MMD2: variants seen among roughly 807,000 people sequenced by gnomAD.
The protein encoded by MMD2 is monocyte to macrophage differentiation factor 2.
MMD2 carries 30 observed loss-of-function variants against 33.5 expected under a neutral mutation model. That is an observed-to-expected ratio of 0.90 (90% CI 0.67 to 1.22). The LOEUF is 1.22. MMD2 is among the 50% of genes most tolerant of loss of function. MMD2 has a pLI of 0.00. For synonymous variants in MMD2, 129 were observed against 123.0 expected, an observed-to-expected ratio of 1.05 and a Z score of -0.32; for missense variants, 364 against 325.4, an observed-to-expected ratio of 1.12 and a Z score of -0.91.
At chr7:4,895,265 C>T in the MMD2 span, among the ~76,000 whole-genome samples, 4 of 152,194 alleles carry the variant, frequency 2.6e-5, no homozygotes, top group Non-Finnish European at 4.4e-5. Flanking sequence ...TTAGTAAAGA[C>T]GGGTTTTGCC....
chr7:4,928,102 G>C (rs768763227), intron 1 of MMD2, among the ~76,000 whole-genome samples: 5 of 152,150 alleles, frequency 3.3e-5, no homozygotes, highest in Non-Finnish European at 5.9e-5. Flanking sequence ...GGCCCACACA[G>C]GCTCGGAATC....
Position 4,907,614 on chromosome 7 carries a change from A to G in MMD2, c.538-15T>C. The G allele has an allele frequency of 6.2e-7, 1 of 1,611,888 alleles. No homozygotes were observed. The highest frequency in any genetic ancestry group is 8.5e-7 in the Non-Finnish European group (1 of 1,179,628). On this transcript the variant is annotated splice_polypyrimidine_tract_variant and intron_variant, in intron 6 of 6. Coordinates refer to ENST00000401401, the MANE Select transcript of MMD2 (RefSeq NM_198403.4). ...TCGGTGTTGGGCTGTCGGCAAGGAC[A>G]AGGGTGGGGCACAGGTCAGAGGGGC...
intron 1 of MMD2, among the ~76,000 whole-genome samples, chr7:4,936,409 A>G (rs1785742941): frequency 6.6e-6 from 1 of 152,164 alleles, no homozygotes; most frequent in South Asian, 2.1e-4. Flanking sequence ...CTGGTCACAG[A>G]AGACTTTGCC....
intron 1 of MMD2, among the ~76,000 whole-genome samples, chr7:4,932,609 T>C (rs1785620302): frequency 6.8e-6 from 1 of 146,232 alleles, no homozygotes; most frequent in African/African-American, 2.5e-5. Flanking sequence ...CCCTGTCCCC[T>C]GTCCTCTGTG....
At chr7:4,934,795 G>C (rs916418780) in intron 1 of MMD2, among the ~76,000 whole-genome samples, 1 of 152,214 alleles carries the variant, frequency 6.6e-6, no homozygotes, top group Non-Finnish European at 1.5e-5. Flanking sequence ...GCAGTTGACC[G>C]CTGTGTGAGC....
chr7:4,954,074 C>T (rs551599706), intron 1 of MMD2, among the ~76,000 whole-genome samples: 1 of 152,194 alleles, frequency 6.6e-6, no homozygotes, highest in South Asian at 2.1e-4. Context: ...TCCAGAGATC[C>T]TCGCACCTCA....
intron 1 of MMD2, among the ~76,000 whole-genome samples, chr7:4,945,185 TTTCTTCTTCTTCTTCTTC>T (rs778065489): frequency 9.6e-5 from 9 of 93,478 alleles, no homozygotes; most frequent in African/African-American, 2.8e-4. Flanking sequence ...CCTCTTCCTC[TTTCTTCTTCTTCTTCTTC>T]TTCTTCTTCT....
chr7:4,897,156 G>T, the MMD2 span, among the ~76,000 whole-genome samples: 1 of 150,402 alleles, frequency 6.6e-6, no homozygotes, highest in Admixed American at 6.7e-5. Flanking sequence ...CACCACGCCC[G>T]GCCTTAATTA....
chr7:4,937,878 G>T (rs184903089), intron 1 of MMD2, among the ~76,000 whole-genome samples: 1 of 151,470 alleles, frequency 6.6e-6, no homozygotes, highest in Non-Finnish European at 1.5e-5. Context: ...CAAACTCCTG[G>T]CCTCAAGCAG....
chr7:4,952,167 C>T (rs1309411538), intron 1 of MMD2, among the ~76,000 whole-genome samples: 1 of 152,212 alleles, frequency 6.6e-6, no homozygotes, highest in East Asian at 1.9e-4. Flanking sequence ...TGGCCCCAGC[C>T]TACTCCTGCT....
At chr7:4,904,958 C>T (rs1486495139), downstream of MMD2, among the ~76,000 whole-genome samples, 2 of 152,182 alleles carry the variant, frequency 1.3e-5, no homozygotes, top group Non-Finnish European at 2.9e-5. Context: ...CCAGAAGTTC[C>T]CCAGTGCTGA....
intron 1 of MMD2, among the ~76,000 whole-genome samples, chr7:4,933,364 TAAAAC>T (rs1345023639): frequency 1.3e-5 from 2 of 152,146 alleles, no homozygotes; most frequent in Admixed American, 1.3e-4. Flanking sequence ...TGTCTCAAAA[TAAAAC>T]AAAATGTATT....
chr7:4,955,999 G>A (rs532657142), intron 1 of MMD2, among the ~76,000 whole-genome samples: 1 of 152,348 alleles, frequency 6.6e-6, no homozygotes, highest in Admixed American at 6.5e-5. Context: ...GTTGCAGTGA[G>A]CAGAGATTGC....
Position 4,906,817 on chromosome 7 carries a change from A to G in MMD2, c.*579T>C. The G allele has an allele frequency of 3.0e-6, 1 of 336,408 alleles. No homozygotes were observed. Among genetic ancestry groups the G allele is most frequent in the Non-Finnish European group, 5.4e-6 (1 of 185,700 alleles). The allele number at this position is 336,408 out of a possible 1,614,324, so 20.8% of individuals were successfully genotyped here. A position where few individuals can be genotyped will look rare whatever the true frequency, so the allele number is the denominator to read the frequency against. On this transcript the variant is annotated 3_prime_UTR_variant, in exon 7 of 7. Coordinates refer to ENST00000401401, the MANE Select transcript of MMD2 (RefSeq NM_198403.4). ...AAAGAGGTCCCATCATGAGTGCCAAATTGATTGGTACTGGCTGCCCAGAAC... is the reference window on the plus strand; with the variant it reads ...AAAGAGGTCCCATCATGAGTGCCAAGTTGATTGGTACTGGCTGCCCAGAAC...
chr7:4,913,764 C>G (rs1229292110), intron 4 of MMD2, among the ~76,000 whole-genome samples: 8 of 148,566 alleles, frequency 5.4e-5, no homozygotes, highest in Non-Finnish European at 1.2e-4. Flanking sequence ...TTTTTTCAAG[C>G]CATTCTCCTG....
intron 1 of MMD2, among the ~76,000 whole-genome samples, chr7:4,931,849 G>A (rs1462004019): frequency 6.6e-6 from 1 of 152,180 alleles, no homozygotes; most frequent in East Asian, 1.9e-4. Flanking sequence ...ACAGGAATGA[G>A]CCACCGTGCC....
At chr7:4,918,389 G>C (rs1231874179) in intron 3 of MMD2, among the ~76,000 whole-genome samples, 1 of 152,124 alleles carries the variant, frequency 6.6e-6, no homozygotes, top group Non-Finnish European at 1.5e-5. Context: ...TAGCTTTATG[G>C]GGGGCCTGGA....
At chr7:4,918,252 C>T (rs1785189149) in intron 3 of MMD2, among the ~76,000 whole-genome samples, 1 of 152,146 alleles carries the variant, frequency 6.6e-6, no homozygotes, top group African/African-American at 2.4e-5. Context: ...TACTTGGTTA[C>T]AAAGCAATCA....
chr7:4,922,938 G>T (rs565198279), intron 2 of MMD2, among the ~76,000 whole-genome samples: 29 of 152,292 alleles, frequency 1.9e-4, no homozygotes, highest in Non-Finnish European at 3.4e-4. Flanking sequence ...TAAGTTAACA[G>T]CAGGGGCCTG....
Sources: allele counts gnomAD v4.1 joint callset (sites outside exome capture counted in the v4.1 genomes callset), GRCh38; gene constraint gnomAD v4.1.1; transcripts MANE v1.5; gene names NCBI Gene and HGNC (gene_info 2026-07-23, HGNC 2026-07-21).